EYA1: variants seen among roughly 807,000 people sequenced by gnomAD.
The protein encoded by EYA1 is protein phosphatase EYA1.
A neutral mutation model predicts 82.0 loss-of-function variants in EYA1; 16 were observed. That is an observed-to-expected ratio of 0.20 (90% CI 0.13 to 0.30). The LOEUF (loss-of-function observed/expected upper bound fraction) is 0.30. Ranked by LOEUF, EYA1 falls within the 10% of genes least tolerant of loss-of-function variation. EYA1 has a pLI of 1.00. For missense variants in EYA1, 633 were observed against 730.7 expected (o/e 0.87, Z 1.54); for synonymous variants, 261 against 264.4 (o/e 0.99, Z 0.12).
chr8:71,508,493 A>G (rs568864235), intron 2 of EYA1, among the ~76,000 whole-genome samples: 2 of 152,242 alleles, frequency 1.3e-5, no homozygotes, highest in South Asian at 4.2e-4. Flanking sequence ...CTAAATGTTT[A>G]TGTCCCCACA....
intron 17 of EYA1, among the ~76,000 whole-genome samples, chr8:71,200,599 A>C (rs189257175): frequency 6.6e-6 from 1 of 152,316 alleles, no homozygotes; most frequent in Non-Finnish European, 1.5e-5. Context: ...AGAAATTAGT[A>C]CTAAATATTT....
chr8:71,376,048 A>G (rs756432756), intron 2 of EYA1, among the ~76,000 whole-genome samples: 2 of 152,240 alleles, frequency 1.3e-5, no homozygotes, highest in African/African-American at 2.4e-5. Flanking sequence ...TTATTGACAA[A>G]TAGTTAAAAA....
intron 12 of EYA1, among the ~76,000 whole-genome samples, chr8:71,237,493 T>C (rs1391240296): frequency 6.6e-6 from 1 of 151,958 alleles, no homozygotes; most frequent in African/African-American, 2.4e-5. Flanking sequence ...TCTTTAATAT[T>C]ATCTGTGGCT....
intron 2 of EYA1, among the ~76,000 whole-genome samples, chr8:71,436,378 G>A (rs1471546498): frequency 6.6e-6 from 1 of 152,018 alleles, no homozygotes; most frequent in Non-Finnish European, 1.5e-5. Flanking sequence ...TGTATATATG[G>A]TATACTTATA....
At chr8:71,403,327 C>T (rs1830054167) in intron 2 of EYA1, 1 of 152,026 alleles carries the variant, frequency 6.6e-6, no homozygotes, top group South Asian at 2.1e-4. Flanking sequence ...TACTATCAAA[C>T]CTAAGAAATT....
chr8:71,275,284 T>C (rs147315767), intron 9 of EYA1, among the ~76,000 whole-genome samples: 249 of 152,298 alleles, frequency 1.6e-3, no homozygotes, highest in African/African-American at 5.7e-3. Context: ...ATCATGCCCA[T>C]GTCAGTGGTT....
chr8:71,463,611 CTCTCTCTCTCTCTCTCTCTCT>C lies in EYA1; in HGVS notation c.33+72112_33+72132del, dbSNP rs1808547188. Among the ~76,000 whole-genome samples the C allele has an allele frequency of 2.1e-4, 29 of 138,796 alleles. 1 individual carries two copies. Among genetic ancestry groups the C allele is most frequent in the African/African-American group, 7.7e-4 (27 of 35,270 alleles). 91.1% of individuals were successfully genotyped at this position (138,796 alleles called of 152,430 possible). A position where few individuals can be genotyped will look rare whatever the true frequency, so the allele number is the denominator to read the frequency against. On this transcript the variant is annotated intron_variant, in intron 2 of 18. Transcript: ENST00000643681. Reference sequence around the variant, plus strand: ...TCTCTCTCTCTCTCTCTCTCTCTCTCTCTCTCTCTCTCTCTCTCTCTCCCTCCCTCCCCCCTCCCACACACA... The same window carrying C: ...TCTCTCTCTCTCTCTCTCTCTCTCTCCCCTCCCTCCCCCCTCCCACACACA...
intron 7 of EYA1, among the ~76,000 whole-genome samples, chr8:71,307,347 C>G (rs2129010924): frequency 6.6e-6 from 1 of 152,158 alleles, no homozygotes; most frequent in South Asian, 2.1e-4. Flanking sequence ...CTCTGTCACC[C>G]AGGCTAGAGT....
At chr8:71,200,816 G>T (rs1361052582) in intron 17 of EYA1, among the ~76,000 whole-genome samples, 1 of 151,710 alleles carries the variant, frequency 6.6e-6, no homozygotes, top group African/African-American at 2.4e-5. Context: ...AATTACCTTT[G>T]CCTAGTGAAC....
In EYA1 at chr8:71,409,166, C is replaced by T. The variant is rs370416635; in HGVS notation, c.34-52655G>A. 4.3e-5 allele frequency among the ~76,000 whole-genome samples: 3 copies of T among 69,354 alleles called. No homozygotes were observed. In the South Asian group the frequency reaches 1.2e-3, roughly 29 times the overall value. The allele number at this position is 69,354 out of a possible 152,430, so 45.5% of individuals were successfully genotyped here. On this transcript the variant is annotated intron_variant, in intron 2 of 18. Transcript: ENST00000643681. ...TGAAGGCAGAAATAAAGATGTTCTTCGAAACCAATGAGAACAAAGACACAA... is the reference window on the plus strand; with the variant it reads ...TGAAGGCAGAAATAAAGATGTTCTTTGAAACCAATGAGAACAAAGACACAA...
At chr8:71,336,984 T>G (rs1417789886) in intron 3 of EYA1, among the ~76,000 whole-genome samples, 4 of 152,142 alleles carry the variant, frequency 2.6e-5, no homozygotes, top group Non-Finnish European at 5.9e-5. Context: ...CAAACATACA[T>G]CCACCAGAGA....
At chr8:71,245,899 GTTT>G (rs1813033347) in intron 11 of EYA1, among the ~76,000 whole-genome samples, 1 of 152,148 alleles carries the variant, frequency 6.6e-6, no homozygotes, top group Non-Finnish European at 1.5e-5. Context: ...GTGCACCGTG[GTTT>G]CTATCTAAAA....
intron 2 of EYA1, among the ~76,000 whole-genome samples, chr8:71,448,282 C>T (rs1314547013): frequency 6.6e-6 from 1 of 152,154 alleles, no homozygotes; most frequent in African/African-American, 2.4e-5. Context: ...AAATACTTTG[C>T]TGTCATTTCA....
At chr8:71,515,048 T>C in intron 2 of EYA1, among the ~76,000 whole-genome samples, 1 of 152,120 alleles carries the variant, frequency 6.6e-6, no homozygotes. Flanking sequence ...TCTTCCTTCC[T>C]GGTGGCAAGG....
chr8:71,211,529 A>G (rs1444178397), intron 16 of EYA1, among the ~76,000 whole-genome samples: 1 of 152,234 alleles, frequency 6.6e-6, no homozygotes, highest in Non-Finnish European at 1.5e-5. Context: ...AATGGAATCT[A>G]GTCAATCACA....
chr8:71,500,354 G>A (rs1299365543), intron 2 of EYA1, among the ~76,000 whole-genome samples: 1 of 152,154 alleles, frequency 6.6e-6, no homozygotes, highest in African/African-American at 2.4e-5. Context: ...ACTGGTGTCC[G>A]AAGCTATTAT....
chr8:71,370,119 T>A lies in EYA1; in HGVS notation c.34-13608A>T, dbSNP rs190299555. ...ACTGTTATCTTAATACTGGTTCATA[T>A]TTCCCTTTTAAATTCCTAACCAAAA... On this transcript the variant is annotated intron_variant, in intron 2 of 18. Transcript: ENST00000643681. Among the ~76,000 whole-genome samples, 495 of 152,218 alleles carry A rather than the reference T, an allele frequency of 3.3e-3. 1 individual carries two copies. The highest frequency in any genetic ancestry group is 0.014 in the Middle Eastern group (4 of 294).
chr8:71,331,986 C>T (rs935609570), intron 4 of EYA1, among the ~76,000 whole-genome samples: 3 of 151,956 alleles, frequency 2.0e-5, no homozygotes. Flanking sequence ...TAGCTGGGAC[C>T]ACAGGCGCAT....
chr8:71,199,449 G>A lies in EYA1; in HGVS notation c.1699-29C>T, dbSNP rs566470934. 2.6e-6 allele frequency: 4 copies of A among 1,559,890 alleles called. No individual in the cohort carries two copies. In the South Asian group the frequency reaches 4.5e-5, roughly 18 times the overall value. On this transcript the variant is annotated intron_variant, in intron 17 of 17. Transcript: ENST00000340726. ...CAGCAGAGGCACACATACATGTGAGGACAGAGCACCCAGCGCCAGCCCTGC... is the reference window on the plus strand; with the variant it reads ...CAGCAGAGGCACACATACATGTGAGAACAGAGCACCCAGCGCCAGCCCTGC...
Sources: allele counts gnomAD v4.1 joint callset (sites outside exome capture counted in the v4.1 genomes callset), GRCh38; gene constraint gnomAD v4.1.1; transcripts MANE v1.5; gene names NCBI Gene and HGNC (gene_info 2026-07-23, HGNC 2026-07-21).